The following KCNQ3 variants were observed in gnomAD, a reference collection of about 807,000 sequenced individuals.
The protein encoded by KCNQ3 is potassium voltage-gated channel subfamily Q member 3.
In KCNQ3, 30 loss-of-function variants were observed where a neutral mutation model predicts 92.5. The observed-to-expected ratio is 0.32, with a 90% CI of 0.24 to 0.44. The LOEUF (loss-of-function observed/expected upper bound fraction) is 0.44. Among genes scored for constraint, KCNQ3 ranks in the 20% least tolerant of loss-of-function variants. The pLI, the probability that KCNQ3 is intolerant of heterozygous loss-of-function variation, is 1.00. For missense variants in KCNQ3, 913 were observed against 1,140.3 expected (o/e 0.80, Z 2.87); for synonymous variants, 450 against 468.8 (o/e 0.96, Z 0.52).
At chr8:132,233,610 A>G (rs531110880) in intron 1 of KCNQ3, among the ~76,000 whole-genome samples, 1 of 152,310 alleles carries the variant, frequency 6.6e-6, no homozygotes, top group African/African-American at 2.4e-5. Context: ...TTAGACTTTC[A>G]ATGCCAGTAA....
chr8:132,478,607 C>T (rs1448904344), intron 1 of KCNQ3, among the ~76,000 whole-genome samples: 4 of 150,656 alleles, frequency 2.7e-5, no homozygotes, highest in African/African-American at 9.9e-5. Flanking sequence ...TCCAACCAGA[C>T]CCCGACCAAC....
intron 1 of KCNQ3, among the ~76,000 whole-genome samples, chr8:132,315,648 A>T (rs1817719386): frequency 6.6e-6 from 1 of 152,212 alleles, no homozygotes; most frequent in Admixed American, 6.5e-5. Flanking sequence ...ATTGAAAGAT[A>T]ACTTATTTCC....
In KCNQ3 at chr8:132,137,989, T is replaced by C; in HGVS notation, c.1596A>G (p.Lys532=). 1 of 1,612,758 alleles carries C rather than the reference T, an allele frequency of 6.2e-7. No individual in the cohort carries two copies. The highest frequency in any genetic ancestry group is 8.5e-7 in the Non-Finnish European group (1 of 1,179,976). ...VRILQFRLYK[K]KFKETLRPYD... is the part of the protein sequence containing the mutation. The stretch of plus-strand genomic sequence containing the variant: ...AAGGCCTCAAAGTCTCCTTGAATTT[T>C]TTTTTATAGAGACGGAATTGTAGAA... The change falls in exon 12 of 15, where the codon AAA becomes AAG. Residue 532 remains lysine (K), a synonymous_variant. Coordinates refer to ENST00000388996, the MANE Select transcript of KCNQ3 (RefSeq NM_004519.4).
At chr8:132,467,083 G>A (rs1822189524) in intron 1 of KCNQ3, among the ~76,000 whole-genome samples, 1 of 152,156 alleles carries the variant, frequency 6.6e-6, no homozygotes, top group Admixed American at 6.5e-5. Context: ...TAACCTGGAA[G>A]GCAGGGAAAA....
intron 1 of KCNQ3, among the ~76,000 whole-genome samples, chr8:132,203,075 G>A (rs534474753): frequency 6.6e-6 from 1 of 152,134 alleles, no homozygotes; most frequent in African/African-American, 2.4e-5. Flanking sequence ...CCCATCCCAA[G>A]GTGAGAGGGA....
intron 1 of KCNQ3, among the ~76,000 whole-genome samples, chr8:132,470,400 G>T (rs1327452555): frequency 6.6e-6 from 1 of 152,192 alleles, no homozygotes; most frequent in Non-Finnish European, 1.5e-5. Flanking sequence ...TTCACCAATT[G>T]TTAATATGTT....
intron 1 of KCNQ3, among the ~76,000 whole-genome samples, chr8:132,474,584 C>G (rs1280265032): frequency 6.6e-6 from 1 of 152,166 alleles, no homozygotes; most frequent in Non-Finnish European, 1.5e-5. Context: ...CTTACTGTTA[C>G]TGGGATAGTA....
chr8:132,378,262 G>A (rs772804069), intron 1 of KCNQ3, among the ~76,000 whole-genome samples: 1 of 151,952 alleles, frequency 6.6e-6, no homozygotes, highest in Non-Finnish European at 1.5e-5. Flanking sequence ...AGCAAGGTGG[G>A]TTTGCCTGTA....
At chr8:132,302,762 A>G (rs901911297) in intron 1 of KCNQ3, among the ~76,000 whole-genome samples, 11 of 152,058 alleles carry the variant, frequency 7.2e-5, no homozygotes, top group African/African-American at 2.7e-4. Flanking sequence ...CTAGATGTTG[A>G]GTCATAATGG....
At chr8:132,292,630 T>C (rs1158001120) in intron 1 of KCNQ3, among the ~76,000 whole-genome samples, 1 of 151,906 alleles carries the variant, frequency 6.6e-6, no homozygotes, top group Non-Finnish European at 1.5e-5. Context: ...GATATTCATC[T>C]GTCTTAGGTT....
At chr8:132,454,120 G>C (rs957731815) in intron 1 of KCNQ3, among the ~76,000 whole-genome samples, 1 of 152,206 alleles carries the variant, frequency 6.6e-6, no homozygotes, top group African/African-American at 2.4e-5. Flanking sequence ...GATGCTCATG[G>C]CAGACCCTGC....
intron 1 of KCNQ3, among the ~76,000 whole-genome samples, chr8:132,462,771 C>T (rs140268337): frequency 1.6e-3 from 244 of 152,242 alleles, no homozygotes; most frequent in African/African-American, 5.6e-3. Context: ...TCAAATGCAA[C>T]AATGTTTTTA....
chr8:132,290,717 T>C (rs1315518631), intron 1 of KCNQ3, among the ~76,000 whole-genome samples: 1 of 152,192 alleles, frequency 6.6e-6, no homozygotes, highest in Non-Finnish European at 1.5e-5. Context: ...GCCACCATGC[T>C]GAGTTAGAAA....
chr8:132,184,397 G>GCTCTT lies in KCNQ3; in HGVS notation c.478-31_478-30insAAGAG, dbSNP rs1374865050. 2.5e-6 allele frequency: 4 copies of GCTCTT among 1,605,118 alleles called. No individual in the cohort carries two copies. In the South Asian group the frequency reaches 4.4e-5, roughly 18 times the overall value. On this transcript the variant is annotated intron_variant, in intron 2 of 14. Transcript: ENST00000388996. ...ATGGAAGAGCATATGGAGAGGCACT[G>GCTCTT]ATTAACCGAGATCCACTTGTCGGGA...
chr8:132,396,510 T>C (rs1820197785), intron 1 of KCNQ3, among the ~76,000 whole-genome samples: 2 of 151,906 alleles, frequency 1.3e-5, no homozygotes, highest in African/African-American at 4.8e-5. Context: ...TCCTTTTACT[T>C]TCAAATTTGG....
At chr8:132,326,386 T>C (rs181709663) in intron 1 of KCNQ3, among the ~76,000 whole-genome samples, 91 of 152,248 alleles carry the variant, frequency 6.0e-4, no homozygotes, top group Admixed American at 2.2e-3. Flanking sequence ...ATCTTTTGAG[T>C]GTCCATTGTG....
chr8:132,409,429 AC>A (rs1187550726), intron 1 of KCNQ3, among the ~76,000 whole-genome samples: 1 of 149,956 alleles, frequency 6.7e-6, no homozygotes. Context: ...CTTAAGTGCC[AC>A]CTCCTTGACC....
intron 9 of KCNQ3, among the ~76,000 whole-genome samples, chr8:132,161,665 G>T: frequency 6.8e-6 from 1 of 147,772 alleles, no homozygotes. Context: ...AAAAGAAAAA[G>T]AAAAAAAAAA....
At chr8:132,239,360 T>C (rs1308524736) in intron 1 of KCNQ3, among the ~76,000 whole-genome samples, 3 of 152,068 alleles carry the variant, frequency 2.0e-5, no homozygotes. Flanking sequence ...AAAAGCTGAG[T>C]GAGAGATTGA....
Sources: allele counts gnomAD v4.1 joint callset (sites outside exome capture counted in the v4.1 genomes callset), GRCh38; gene constraint gnomAD v4.1.1; transcripts MANE v1.5; gene names NCBI Gene and HGNC (gene_info 2026-07-23, HGNC 2026-07-21).